Variants in DEPDC4 observed in about 807,000 individuals in gnomAD.
DEPDC4 encodes DEP domain containing 4, also known as DEP domain-containing protein 4.
Under a neutral mutation model 52.0 loss-of-function variants are expected in DEPDC4, and 52 were observed. The ratio of observed to expected loss-of-function variants is 1.00; its 90% CI spans 0.80 to 1.26. The LOEUF is 1.26. DEPDC4 is among the 50% of genes most tolerant of loss of function. DEPDC4 has a pLI of 0.00. For synonymous variants in DEPDC4, 201 were observed against 196.8 expected, an observed-to-expected ratio of 1.02 and a Z score of -0.18; for missense variants, 530 against 546.9, an observed-to-expected ratio of 0.97 and a Z score of 0.31.
At chr12:100,281,724 CTCGGGAGGCTGAG>C in the DEPDC4 span, among the ~76,000 whole-genome samples, 1 of 151,646 alleles carries the variant, frequency 6.6e-6, no homozygotes, top group Non-Finnish European at 1.5e-5. Context: ...GTCCCAGCTA[CTCGGGAGGCTGAG>C]GCAGGAGAAT....
chr12:100,258,117 G>T (rs1347808993), intron 3 of DEPDC4, among the ~76,000 whole-genome samples: 1 of 151,964 alleles, frequency 6.6e-6, no homozygotes, highest in African/African-American at 2.4e-5. Flanking sequence ...GGATATAAAA[G>T]TAACCAAAAC....
intron 8 of DEPDC4, among the ~76,000 whole-genome samples, chr12:100,245,359 C>T (rs775704228): frequency 2.6e-4 from 39 of 152,208 alleles, no homozygotes; most frequent in Non-Finnish European, 4.9e-4. Flanking sequence ...CCCCACCTCC[C>T]GGGTTCAAGC....
chr12:100,259,079 A>ATATATATAT (rs1407814890), intron 3 of DEPDC4, among the ~76,000 whole-genome samples: 1 of 139,586 alleles, frequency 7.2e-6, no homozygotes, highest in Non-Finnish European at 1.5e-5. Flanking sequence ...TCAAAAAAAA[A>ATATATATAT]AAATATATAT....
chr12:100,270,100 C>T (rs1255982932), upstream of DEPDC4, among the ~76,000 whole-genome samples: 1 of 151,892 alleles, frequency 6.6e-6, no homozygotes. Flanking sequence ...CATTCTCCTG[C>T]CTCAGCCTCC....
intron 8 of DEPDC4, among the ~76,000 whole-genome samples, chr12:100,244,517 C>T (rs940077557): frequency 9.2e-5 from 14 of 151,992 alleles, no homozygotes; most frequent in Admixed American, 6.6e-4. Flanking sequence ...CTCTGTCACC[C>T]CAGCTGTAGT....
the DEPDC4 span, among the ~76,000 whole-genome samples, chr12:100,278,532 A>G: frequency 1.3e-5 from 2 of 151,820 alleles, no homozygotes; most frequent in African/African-American, 4.8e-5. Context: ...TTTTTCCCCA[A>G]CCTGTAGAAT....
chr12:100,231,923 T>C (rs763090537), intron 9 of DEPDC4, among the ~76,000 whole-genome samples: 5 of 151,238 alleles, frequency 3.3e-5, no homozygotes, highest in Non-Finnish European at 5.9e-5. Context: ...CCAGCATGGG[T>C]GTCAGAGAGA....
In DEPDC4 at chr12:100,234,051, G is replaced by A. The variant is rs148433518; in HGVS notation, c.*699+3917C>T. 2.0e-3 allele frequency among the ~76,000 whole-genome samples: 299 copies of A among 152,224 alleles called. 1 individual carries two copies. The highest frequency in any genetic ancestry group is 6.7e-3 in the African/African-American group (280 of 41,530). On this transcript the variant is annotated intron_variant and NMD_transcript_variant, in intron 9 of 10. Transcript: ENST00000378244. ...GAACCCAGGAGGTTGAGGCTGTGGT[G>A]AGCCATGATTACACCACTGCACTTC...
chr12:100,245,357 C>T (rs1404279555), intron 8 of DEPDC4, among the ~76,000 whole-genome samples: 1 of 152,124 alleles, frequency 6.6e-6, no homozygotes, highest in Admixed American at 6.5e-5. Flanking sequence ...ACCCCCACCT[C>T]CCGGGTTCAA....
intron 9 of DEPDC4, among the ~76,000 whole-genome samples, chr12:100,232,217 C>T (rs2096135755): frequency 6.6e-6 from 1 of 151,492 alleles, no homozygotes; most frequent in Admixed American, 6.6e-5. Context: ...CATGGTGAAA[C>T]CCTGTCTCTA....
At chr12:100,275,827 A>C in the DEPDC4 span, among the ~76,000 whole-genome samples, 2 of 152,168 alleles carry the variant, frequency 1.3e-5, no homozygotes, top group Admixed American at 6.6e-5. Context: ...CAAAGATGCT[A>C]TTTATCAGGT....
intron 7 of DEPDC4, among the ~76,000 whole-genome samples, chr12:100,250,959 T>C (rs1372596980): frequency 6.6e-6 from 1 of 152,200 alleles, no homozygotes; most frequent in Non-Finnish European, 1.5e-5. Flanking sequence ...ATGAAACATT[T>C]TTTAATGTTT....
Position 100,252,400 on chromosome 12 carries a change from T to C in DEPDC4, c.1242A>G (p.Gln414=). The C allele has an allele frequency of 2.6e-6, 4 of 1,556,758 alleles. No individual in the cohort carries two copies. The highest frequency in any genetic ancestry group is 3.4e-6 in the Non-Finnish European group (4 of 1,160,112). Residue 414 remains glutamine, a synonymous_variant, in exon 6 of 10, where the codon CAA becomes CAG. Coordinates refer to ENST00000550587, the MANE Select transcript of DEPDC4 (RefSeq NM_001364818.2). ...TTATTGCAAAATTTTTCACCTGTTT[T>C]TGCAACTTGTAGGCATTGGGCTCTG... ...MASEPNAYKL[Q]KQYDNKTVVL...
intron 2 of DEPDC4, 24 bp from the exon 3 acceptor site, chr12:100,262,433 C>A (rs2096256845): frequency 6.4e-7 from 1 of 1,571,808 alleles, no homozygotes; most frequent in Non-Finnish European, 8.6e-7. Context: ...ATACGTGGCT[C>A]TTTTCATTAT....
downstream of DEPDC4, chr12:100,238,205 C>T (rs1287189279): frequency 2.2e-5 from 5 of 223,674 alleles, no homozygotes; most frequent in Non-Finnish European, 3.0e-5. Context: ...GACAGAGTCT[C>T]GCTCCATCAC....
chr12:100,259,945 C>CTT (rs563354954), intron 3 of DEPDC4, among the ~76,000 whole-genome samples: 2 of 137,660 alleles, frequency 1.5e-5, no homozygotes, highest in Admixed American at 7.4e-5. Flanking sequence ...CCTCCTATGT[C>CTT]TTTTTTTTTT....
the DEPDC4 span, among the ~76,000 whole-genome samples, chr12:100,272,782 C>T: frequency 6.6e-6 from 1 of 152,092 alleles, no homozygotes; most frequent in African/African-American, 2.4e-5. Context: ...CCTTTCTTCT[C>T]CTTTCTCACT....
rs1370048977 is a variant in DEPDC4, at chr12:100,241,271, C to G, written c.*621G>C. Among the ~76,000 whole-genome samples the G allele has an allele frequency of 2.6e-5, 4 of 152,104 alleles. No individual in the cohort carries two copies. The East Asian group carries it at 7.7e-4, about 29-fold the overall frequency. On this transcript the variant is annotated 3_prime_UTR_variant, in exon 10 of 10. Transcript: ENST00000550587. ...TACTAGATCCCTAATAATAGCAGCA[C>G]ATTTATTAAGTGATTTTAGCAGCAT... is the stretch of plus-strand genomic sequence containing the variant.
chr12:100,266,390 G>A (rs1343290667), intron 1 of DEPDC4, among the ~76,000 whole-genome samples: 2 of 152,190 alleles, frequency 1.3e-5, no homozygotes, highest in Admixed American at 1.3e-4. Flanking sequence ...AGTGATGGGC[G>A]GAGGTGGGCA....
Sources: gnomAD v4.1 joint callset for allele counts (sites outside exome capture counted in the v4.1 genomes callset) on GRCh38, gnomAD v4.1.1 for gene constraint, MANE v1.5 for transcripts, NCBI Gene and HGNC (gene_info 2026-07-23, HGNC 2026-07-21) for gene names.